AGAP1: variants seen among roughly 807,000 people sequenced by gnomAD.
AGAP1 encodes the protein arf-GAP with GTPase, ANK repeat and PH domain-containing protein 1.
A neutral mutation model predicts 105.3 loss-of-function variants in AGAP1; 29 were observed. The observed-to-expected ratio is 0.28, with a 90% CI of 0.21 to 0.38. The LOEUF (loss-of-function observed/expected upper bound fraction) is 0.38, where lower values mean the gene tolerates loss of function less well. Ranked by LOEUF, AGAP1 falls within the 10% of genes least tolerant of loss-of-function variation. The pLI, the probability that AGAP1 is intolerant of heterozygous loss-of-function variation, is 1.00. For synonymous variants in AGAP1, 509 were observed against 485.9 expected, an observed-to-expected ratio of 1.05 and a Z score of -0.63; for missense variants, 998 against 1,165.1, an observed-to-expected ratio of 0.86 and a Z score of 2.09.
Position 235,586,438 on chromosome 2 carries a change from G to A in AGAP1, c.163+91589G>A, listed in dbSNP as rs559646119. Among the ~76,000 whole-genome samples the A allele has an allele frequency of 2.2e-4, 33 of 152,344 alleles. No homozygotes were observed. The South Asian group carries it at 5.2e-3, about 24-fold the overall frequency. On this transcript the variant is annotated intron_variant, in intron 1 of 17. Transcript: ENST00000304032. This position sits in a 1 kb window ranked among gnomAD's most constrained non-coding sequence, Gnocchi z 4.2. ...CCCCAAATACTCGGACTCCCCTGTG[G>A]AAGGCAAGGTGGAGGCAGCTGTTAT...
rs956137892 is a variant in AGAP1 at position 236,036,339 on chromosome 2, T to G, written c.1646-222T>G. Among the ~76,000 whole-genome samples the G allele has an allele frequency of 6.6e-6, 1 of 152,222 alleles. No homozygotes were observed. The highest frequency in any genetic ancestry group is 2.1e-4 in the South Asian group (1 of 4,832). ...TTCATCTGGCCTTGTGCCCTGAGCC[T>G]TGATTGAAACCTGGCTAAGTCATGC... is the stretch of plus-strand genomic sequence containing the variant. On this transcript the variant is annotated intron_variant, in intron 13 of 17. Coordinates refer to ENST00000304032, the MANE Select transcript of AGAP1 (RefSeq NM_001037131.3). This position sits in a 1 kb window ranked among gnomAD's most constrained non-coding sequence, Gnocchi z 5.7.
chr2:236,057,709 T>G (rs919613728), intron 16 of AGAP1, among the ~76,000 whole-genome samples: 1 of 152,168 alleles, frequency 6.6e-6, no homozygotes, highest in Admixed American at 6.5e-5. Context: ...GGCCATAGAG[T>G]TCCTGGTTCT....
At chr2:236,077,142 A>AATATAT (rs1340264497) in intron 16 of AGAP1, among the ~76,000 whole-genome samples, 3 of 106,634 alleles carry the variant, frequency 2.8e-5, no homozygotes, top group African/African-American at 1.1e-4. Flanking sequence ...AAAAAAAAAA[A>AATATAT]ATATATATAT....
rs185340240 is a variant in AGAP1, at chr2:236,010,304, G to A, written c.1646-26257G>A. 4.6e-3 allele frequency among the ~76,000 whole-genome samples: 696 copies of A among 152,244 alleles called. 7 individuals are homozygous for A. The highest frequency in any genetic ancestry group is 0.016 in the African/African-American group (660 of 41,546). The stretch of plus-strand genomic sequence containing the variant: ...AGCTACTCTAACTTAGTAGAAAGAC[G>A]TAGTAAGCTGCACACTTTCCCCTTC... On this transcript the variant is annotated intron_variant, in intron 13 of 17. Coordinates refer to ENST00000304032, the MANE Select transcript of AGAP1 (RefSeq NM_001037131.3).
chr2:235,819,666 C>T (rs1958668672), intron 9 of AGAP1, among the ~76,000 whole-genome samples: 1 of 151,968 alleles, frequency 6.6e-6, no homozygotes, highest in Non-Finnish European at 1.5e-5. Flanking sequence ...CCTTTTCTTT[C>T]CTCCGATGCC....
At chr2:236,030,633 G>A (rs546764374) in intron 13 of AGAP1, among the ~76,000 whole-genome samples, 18 of 152,168 alleles carry the variant, frequency 1.2e-4, no homozygotes, top group Non-Finnish European at 1.8e-4. Flanking sequence ...GTTTCACCTC[G>A]TGTATTTGAT....
intron 1 of AGAP1, among the ~76,000 whole-genome samples, chr2:235,605,970 C>T (rs908841424): frequency 6.6e-6 from 1 of 152,192 alleles, no homozygotes; most frequent in African/African-American, 2.4e-5. Flanking sequence ...AATTACAGAG[C>T]TTTTCTTTCT....
rs908450640 is a variant in AGAP1 at position 235,988,179 on chromosome 2, G to C, written c.1645+19556G>C. On this transcript the variant is annotated intron_variant, in intron 13 of 17. Transcript: ENST00000304032. The surrounding 1 kb of genome is among the most constrained non-coding windows in gnomAD (Gnocchi z 4.7). Reference sequence around the variant, plus strand: ...TGCTTCAGCCTCCCGAGTAGATGGGGTTAAAGGTGCCCACCACCACGCCCA... The same window carrying C: ...TGCTTCAGCCTCCCGAGTAGATGGGCTTAAAGGTGCCCACCACCACGCCCA... Among the ~76,000 whole-genome samples the C allele has an allele frequency of 2.0e-5, 3 of 152,060 alleles. No homozygotes were observed. The highest frequency in any genetic ancestry group is 7.2e-5 in the African/African-American group (3 of 41,416).
At chr2:235,811,505 C>G (rs1958138535) in intron 9 of AGAP1, among the ~76,000 whole-genome samples, 2 of 152,238 alleles carry the variant, frequency 1.3e-5, no homozygotes, top group Non-Finnish European at 2.9e-5. Context: ...AAGATACCAT[C>G]TTTGCCTTAT....
intron 6 of AGAP1, among the ~76,000 whole-genome samples, chr2:235,794,175 C>T (rs939512545): frequency 1.3e-5 from 2 of 152,194 alleles, no homozygotes; most frequent in Admixed American, 6.5e-5. Context: ...AATGTACACA[C>T]ACACACGCAC....
chr2:235,713,600 C>T (rs1212767404), intron 2 of AGAP1, among the ~76,000 whole-genome samples: 1 of 152,228 alleles, frequency 6.6e-6, no homozygotes, highest in Non-Finnish European at 1.5e-5. Flanking sequence ...GATCAACACA[C>T]TGATGTTTCC....
intron 13 of AGAP1, among the ~76,000 whole-genome samples, chr2:236,031,154 A>G (rs1281623729): frequency 2.6e-5 from 4 of 152,212 alleles, no homozygotes; most frequent in African/African-American, 9.7e-5. Context: ...AGATATATGT[A>G]TGAGAACTGT....
In AGAP1 at chr2:235,691,189, C is replaced by T. The variant is rs1279545443; in HGVS notation, c.164-17990C>T. On this transcript the variant is annotated intron_variant, in intron 1 of 17. Coordinates refer to ENST00000304032, the MANE Select transcript of AGAP1 (RefSeq NM_001037131.3). This position sits in a 1 kb window ranked among gnomAD's most constrained non-coding sequence, Gnocchi z 4.4. ...TCTGAGAGACCCCAGCCCCGAGAGG[C>T]TCTGGGCTGCTGGATGCTGGTGCCT... Among the ~76,000 whole-genome samples, 5 of 152,186 alleles carry T rather than the reference C, an allele frequency of 3.3e-5. No individual in the cohort carries two copies.
chr2:235,946,332 C>G lies in AGAP1; in HGVS notation c.1483+15409C>G, dbSNP rs1204320009. Among the ~76,000 whole-genome samples the G allele has an allele frequency of 3.5e-5, 5 of 141,870 alleles. No individual in the cohort carries two copies. The Admixed American group carries it at 3.6e-4, about 10-fold the overall frequency. 93.1% of individuals were successfully genotyped at this position (141,870 alleles called of 152,430 possible). A position where few individuals can be genotyped will look rare whatever the true frequency, so the allele number is the denominator to read the frequency against. ...ACAGAGTCTTGTTCTGTCAGCCACG[C>G]TGGGGTGCAGTGGTGTGATCTCAGC... is the stretch of plus-strand genomic sequence containing the variant. On this transcript the variant is annotated intron_variant, in intron 12 of 17. Transcript: ENST00000304032.
Position 236,123,982 on chromosome 2 carries a change from G to A in AGAP1, c.2434G>A (p.Ala812Thr). 1 of 1,613,986 alleles carries A rather than the reference G, an allele frequency of 6.2e-7. No individual in the cohort carries two copies. Among genetic ancestry groups the A allele is most frequent in the East Asian group, 2.2e-5 (1 of 44,880 alleles). Residue 812 changes from alanine (A) to threonine (T), a missense_variant, in exon 18 of 18, where the codon GCC (alanine) becomes ACC (threonine). Physicochemically the swap from Ala to Thr is moderately conservative, Grantham distance 58. Transcript: ENST00000304032. This position sits in a 1 kb window ranked among gnomAD's most constrained non-coding sequence, Gnocchi z 4.6. ...CACAGCTCTGGCCTACGCCCGGCAG[G>A]CCTCCAGCCAGGAGTGCATCGACGT... ...GNTALAYARQ[A>T]SSQECIDVLL... is the part of the protein sequence containing the mutation.
chr2:235,649,192 G>T (rs1379310849), intron 1 of AGAP1, among the ~76,000 whole-genome samples: 2 of 152,128 alleles, frequency 1.3e-5, no homozygotes, highest in African/African-American at 2.4e-5. Context: ...GACGCTCCTC[G>T]GGGGAGGATT....
chr2:235,660,841 A>G lies in AGAP1; in HGVS notation c.164-48338A>G, dbSNP rs985348509. Among the ~76,000 whole-genome samples, 9 of 152,210 alleles carry G rather than the reference A, an allele frequency of 5.9e-5. No individual in the cohort carries two copies. The highest frequency in any genetic ancestry group is 1.9e-4 in the African/African-American group (8 of 41,460). On this transcript the variant is annotated intron_variant, in intron 1 of 17. Transcript: ENST00000304032. The surrounding 1 kb of genome is among the most constrained non-coding windows in gnomAD (Gnocchi z 5.3). ...CGTATTGTTCTTGTCCCGTTTTTGC[A>G]GAAATGAAAACCTGATGCAGAGCCT...
chr2:235,828,490 G>C (rs1307333099), intron 9 of AGAP1, among the ~76,000 whole-genome samples: 1 of 152,146 alleles, frequency 6.6e-6, no homozygotes, highest in South Asian at 2.1e-4. Context: ...TAACACTTAT[G>C]CATTGTATGG....
rs149676066 is a variant in AGAP1 at position 235,802,617 on chromosome 2, T to C, written c.957+3095T>C. ...TGTTGGTCCTCAGTGGGTTTGACAC[T>C]GAACAAAATGATGGTGGTGATGATG... On this transcript the variant is annotated intron_variant, in intron 8 of 17. Transcript: ENST00000304032. Among the ~76,000 whole-genome samples the C allele has an allele frequency of 3.3e-5, 5 of 152,350 alleles. No homozygotes were observed. In the East Asian group the frequency reaches 9.7e-4, roughly 29 times the overall value.
Sources: allele counts gnomAD v4.1 joint callset (sites outside exome capture counted in the v4.1 genomes callset), GRCh38; gene constraint gnomAD v4.1.1; non-coding constraint Gnocchi (gnomAD v3.1); transcripts MANE v1.5; gene names NCBI Gene and HGNC (gene_info 2026-07-23, HGNC 2026-07-21).